The following LANCL3 variants were observed in gnomAD, a reference collection of about 807,000 sequenced individuals.
LANCL3 encodes the protein LanC like family member 3, also known as lanC-like protein 3.
In LANCL3, 19 loss-of-function variants were observed where a neutral mutation model predicts 26.5. The observed-to-expected ratio is 0.72, with a 90% confidence interval of 0.50 to 1.05. The LOEUF is 1.05. LANCL3 is among the 50% of genes least tolerant of loss of function. The pLI, the probability that LANCL3 is intolerant of heterozygous loss-of-function variation, is 0.00. For synonymous variants in LANCL3, 160 were observed against 166.6 expected, an observed-to-expected ratio of 0.96 and a Z score of 0.30; for missense variants, 318 against 362.7, an observed-to-expected ratio of 0.88 and a Z score of 1.00.
In LANCL3 at chrX:37,675,697, C is replaced by T. The variant is rs1235974990; in HGVS notation, c.1147C>T (p.Arg383Trp). Residue 383 changes from arginine (R) to tryptophan (W), a missense_variant, in exon 5 of 5, where the codon CGG becomes TGG. Arg to Trp is a moderately radical substitution (Grantham distance 101). Coordinates refer to ENST00000378619, the MANE Select transcript of LANCL3 (RefSeq NM_001170331.2). The stretch of plus-strand genomic sequence containing the variant: ...TACCGAGGAATTCAAGGCCGGTTCT[C>T]GGGTCCTTGAAAGTATATACAGCTT... ...LFTEEFKAGSRVLESIYSLYE... is the reference protein window; with the variant it reads ...LFTEEFKAGSWVLESIYSLYE... 11 of 1,151,453 alleles carry T rather than the reference C, an allele frequency of 9.6e-6. No individual in the cohort carries two copies. The highest frequency in any genetic ancestry group is 2.7e-5 in the Admixed American group (1 of 36,833). The allele number at this position is 1,151,453 out of a possible 1,213,427, so 94.9% of individuals were successfully genotyped here. A position where few individuals can be genotyped will look rare whatever the true frequency, so the allele number is the denominator to read the frequency against.
chrX:37,644,859 C>T (rs1602124981), intron 1 of LANCL3, among the ~76,000 whole-genome samples: 1 of 112,503 alleles, frequency 8.9e-6, no homozygotes, highest in African/African-American at 3.2e-5. Context: ...CTGGGTCCCA[C>T]GCCCAGAGAG....
intron 1 of LANCL3, among the ~76,000 whole-genome samples, chrX:37,644,368 C>T (rs1278232574): frequency 8.9e-6 from 1 of 111,889 alleles, no homozygotes; most frequent in African/African-American, 3.3e-5. Context: ...GAAGCTGTGG[C>T]CAGTGAATAG....
At chrX:37,576,076 C>T (rs1446500915) in intron 1 of LANCL3, among the ~76,000 whole-genome samples, 1 of 112,129 alleles carries the variant, frequency 8.9e-6, no homozygotes, top group East Asian at 2.8e-4. Context: ...AGCTAGCGTA[C>T]AGTACCTTAG....
At chrX:37,635,098 CCA>C (rs1247685503) in intron 1 of LANCL3, among the ~76,000 whole-genome samples, 12 of 110,574 alleles carry the variant, frequency 1.1e-4, no homozygotes, top group Non-Finnish European at 1.9e-4. Flanking sequence ...AAACTTGATG[CCA>C]CTGGAACAAT....
At chrX:37,644,614 C>T (rs1925943194) in intron 1 of LANCL3, among the ~76,000 whole-genome samples, 1 of 112,067 alleles carries the variant, frequency 8.9e-6, no homozygotes, top group South Asian at 3.8e-4. Flanking sequence ...CATTCATGTG[C>T]ACATCAGGTT....
chrX:37,615,128 C>T lies in LANCL3; in HGVS notation c.574-40560C>T, dbSNP rs186485994. Among the ~76,000 whole-genome samples, 355 of 111,989 alleles carry T rather than the reference C, an allele frequency of 3.2e-3. 2 individuals are homozygous for T. The highest frequency in any genetic ancestry group is 0.011 in the African/African-American group (332 of 30,895). ...TGGTAAATTGTAGAGCTAGGATTCACGCAGTTTGGCCTCAGAGCCTGCTCC... is the reference window on the plus strand; with the variant it reads ...TGGTAAATTGTAGAGCTAGGATTCATGCAGTTTGGCCTCAGAGCCTGCTCC... On this transcript the variant is annotated intron_variant, in intron 1 of 4. Coordinates refer to ENST00000378619, the MANE Select transcript of LANCL3 (RefSeq NM_001170331.2).
intron 1 of LANCL3, among the ~76,000 whole-genome samples, chrX:37,637,829 G>A (rs939930531): frequency 1.3e-4 from 14 of 110,663 alleles, no homozygotes; most frequent in Non-Finnish European, 2.6e-4. Flanking sequence ...GTGAAGTTTC[G>A]TCCTACTTCT....
intron 1 of LANCL3, among the ~76,000 whole-genome samples, chrX:37,591,551 G>A (rs368115176): frequency 1.5e-3 from 163 of 111,208 alleles, no homozygotes; most frequent in African/African-American, 5.0e-3. Flanking sequence ...AGTGTTCCAA[G>A]GAGAAACCAG....
chrX:37,597,668 C>CTTTTTTTTT (rs57097813), intron 1 of LANCL3, among the ~76,000 whole-genome samples: 1 of 79,831 alleles, frequency 1.3e-5, no homozygotes, highest in African/African-American at 5.0e-5. Flanking sequence ...CACACGCCAC[C>CTTTTTTTTT]TTTTTTTTTT....
At chrX:37,606,802 A>T (rs187607174) in intron 1 of LANCL3, among the ~76,000 whole-genome samples, 1 of 112,274 alleles carries the variant, frequency 8.9e-6, no homozygotes, top group East Asian at 2.8e-4. Flanking sequence ...TGATTATTTC[A>T]CATGTAAGTC....
intron 1 of LANCL3, among the ~76,000 whole-genome samples, chrX:37,639,366 A>G (rs782415913): frequency 9.4e-5 from 10 of 106,371 alleles, no homozygotes; most frequent in African/African-American, 3.4e-4. Flanking sequence ...TCACATTGTA[A>G]TTGAGAGACC....
chrX:37,667,192 G>T (rs1023143298), intron 3 of LANCL3, 90 bp from the exon 4 acceptor site: 1 of 497,839 alleles, frequency 2.0e-6, no homozygotes, highest in Non-Finnish European at 3.1e-6. Context: ...CAGTACTCAG[G>T]TGATTCATGA....
chrX:37,671,340 A>G (rs1316119768), intron 4 of LANCL3, among the ~76,000 whole-genome samples: 4 of 111,565 alleles, frequency 3.6e-5, no homozygotes, highest in Non-Finnish European at 7.5e-5. Flanking sequence ...TGCTGATTTT[A>G]CTAGGAATGC....
At chrX:37,581,299 A>C (rs1602092326) in intron 1 of LANCL3, among the ~76,000 whole-genome samples, 1 of 112,336 alleles carries the variant, frequency 8.9e-6, no homozygotes, top group African/African-American at 3.2e-5. Flanking sequence ...GAAGGAAAGA[A>C]TCACTTCCTG....
At chrX:37,652,821 G>A (rs187895699) in intron 1 of LANCL3, among the ~76,000 whole-genome samples, 46 of 111,597 alleles carry the variant, frequency 4.1e-4, no homozygotes, top group Non-Finnish European at 5.8e-4. Flanking sequence ...GAGAGTGGAG[G>A]GATATTTGAG....
chrX:37,582,113 A>T (rs1556417121), intron 1 of LANCL3, among the ~76,000 whole-genome samples: 1 of 111,704 alleles, frequency 9.0e-6, no homozygotes, highest in Non-Finnish European at 1.9e-5. Context: ...AAATGAACTC[A>T]TCCTTTTTTT....
intron 1 of LANCL3, among the ~76,000 whole-genome samples, chrX:37,626,546 T>C (rs1428154528): frequency 8.9e-6 from 1 of 111,927 alleles, no homozygotes; most frequent in Non-Finnish European, 1.9e-5. Context: ...TTTTTCTTTT[T>C]TTGGCAGATG....
At chrX:37,654,840 C>G (rs139771236) in intron 1 of LANCL3, among the ~76,000 whole-genome samples, 2 of 111,764 alleles carry the variant, frequency 1.8e-5, no homozygotes, top group East Asian at 5.6e-4. Flanking sequence ...AGAGAGAGCT[C>G]TAACACAACA....
chrX:37,634,589 C>T (rs1191210538), intron 1 of LANCL3, among the ~76,000 whole-genome samples: 3 of 112,517 alleles, frequency 2.7e-5, no homozygotes, highest in Non-Finnish European at 5.6e-5. Flanking sequence ...TCTTGGCTGT[C>T]CCCTTTGTAA....
Sources: allele counts gnomAD v4.1 joint callset (sites outside exome capture counted in the v4.1 genomes callset), GRCh38; gene constraint gnomAD v4.1.1; transcripts MANE v1.5; gene names NCBI Gene and HGNC (gene_info 2026-07-23, HGNC 2026-07-21).